The following TRIM17 variants were observed in gnomAD, a reference collection of about 807,000 sequenced individuals.
TRIM17 encodes the protein tripartite motif containing 17.
In TRIM17, 27 loss-of-function variants were observed where a neutral mutation model predicts 35.8. That is an observed-to-expected ratio of 0.75 (90% CI 0.56 to 1.04). The LOEUF is 1.04. TRIM17 is among the 50% of genes least tolerant of loss of function. TRIM17 has a pLI of 0.00. For synonymous variants in TRIM17, 246 were observed against 252.6 expected (o/e 0.97, Z 0.25); for missense variants, 582 against 612.8 (o/e 0.95, Z 0.53).
rs868790333 is a variant in TRIM17 at position 228,410,732 on chromosome 1, C to T, written c.756+214G>A. Among the ~76,000 whole-genome samples the T allele has an allele frequency of 1.4e-4, 21 of 152,136 alleles. No individual in the cohort carries two copies. Among genetic ancestry groups the T allele is most frequent in the African/African-American group, 2.2e-4 (9 of 41,414 alleles). The stretch of plus-strand genomic sequence containing the variant: ...GCATAGAGAGATGATGCCATGAGGA[C>T]GCGGGGAGGAGACGGCATCTTCAGG... On this transcript the variant is annotated intron_variant, in intron 4 of 6. Transcript: ENST00000366698. The surrounding 1 kb of genome is among the most constrained non-coding windows in gnomAD (Gnocchi z 4.6).
Position 228,408,186 on chromosome 1 carries a change from T to TC in TRIM17, c.*14dup. The TC allele has an allele frequency of 6.6e-7, 1 of 1,509,232 alleles. No individual in the cohort carries two copies. Among genetic ancestry groups the TC allele is most frequent in the Non-Finnish European group, 8.9e-7 (1 of 1,128,940 alleles). The allele number at this position is 1,509,232 out of a possible 1,614,324, so 93.5% of individuals were successfully genotyped here. A position where few individuals can be genotyped will look rare whatever the true frequency, so the allele number is the denominator to read the frequency against. ...TGCAGAGCCAGGAGCAGTGCCCGAGTCCCCCGGTCTGTGTCTATCCTTTCA... is the reference window on the plus strand; with the variant it reads ...TGCAGAGCCAGGAGCAGTGCCCGAGTCCCCCCGGTCTGTGTCTATCCTTTCA... On this transcript the variant is annotated 3_prime_UTR_variant, in exon 7 of 7. Coordinates refer to ENST00000366698, the MANE Select transcript of TRIM17 (RefSeq NM_016102.4). The surrounding 1 kb of genome is among the most constrained non-coding windows in gnomAD (Gnocchi z 6.3).
At chr1:228,412,074 C>T (rs1656812588) in intron 3 of TRIM17, among the ~76,000 whole-genome samples, 1 of 152,170 alleles carries the variant, frequency 6.6e-6, no homozygotes, top group Non-Finnish European at 1.5e-5. Context: ...AAGCTGAAGG[C>T]TGTGCCTCTG....
Position 228,408,784 on chromosome 1 carries a change from A to G in TRIM17, c.884-33T>C, listed in dbSNP as rs1428502620. The stretch of plus-strand genomic sequence containing the variant: ...TGGGCGTGGTGGTGGAGAGATGGGG[A>G]GAGGTGTGGGGCATTCAGGGTCAAA... On this transcript the variant is annotated intron_variant, in intron 6 of 6. Transcript: ENST00000366698. This position sits in a 1 kb window ranked among gnomAD's most constrained non-coding sequence, Gnocchi z 6.3. 1 of 1,583,238 alleles carries G rather than the reference A, an allele frequency of 6.3e-7. No homozygotes were observed. Among genetic ancestry groups the G allele is most frequent in the Non-Finnish European group, 8.5e-7 (1 of 1,170,662 alleles).
intron 3 of TRIM17, among the ~76,000 whole-genome samples, chr1:228,413,581 C>T (rs1200948219): frequency 2.0e-5 from 3 of 152,224 alleles, no homozygotes; most frequent in African/African-American, 7.2e-5. Context: ...ATGTGTGCAT[C>T]TGTAATTTAA....
intron 1 of TRIM17, chr1:228,415,669 G>C (rs760183954): frequency 1.3e-5 from 2 of 152,874 alleles, no homozygotes; most frequent in East Asian, 3.9e-4. Context: ...GTACACCAAA[G>C]GAAGAAGGGA....
chr1:228,408,303 G>A lies in TRIM17; in HGVS notation c.1332C>T (p.Ser444=). The part of the protein sequence containing the change: ...VSDGSHLHTY[S]QATFPGPLQP... ...GCAGGGGGCCTGGGAAGGTGGCCTG[G>A]GAGTAGGTGTGCAGGTGGGACCCAT... Residue 444 remains serine (S), a synonymous_variant, in exon 7 of 7, where the codon TCC becomes TCT. Coordinates refer to ENST00000366698, the MANE Select transcript of TRIM17 (RefSeq NM_016102.4). This position sits in a 1 kb window ranked among gnomAD's most constrained non-coding sequence, Gnocchi z 6.3. 1 of 1,608,444 alleles carries A rather than the reference G, an allele frequency of 6.2e-7. No individual in the cohort carries two copies. The highest frequency in any genetic ancestry group is 2.2e-5 in the East Asian group (1 of 44,786).
chr1:228,416,647 G>A lies in TRIM17; in HGVS notation c.-150C>T. On this transcript the variant is annotated 5_prime_UTR_variant, in exon 1 of 7. Coordinates refer to ENST00000366698, the MANE Select transcript of TRIM17 (RefSeq NM_016102.4). ...GCCCAGGAGGCTGCGGCCCGGCCCG[G>A]GGCGTGGGGACCTGGGGTCGGGAGG... 2.0e-6 allele frequency: 2 copies of A among 985,518 alleles called. No individual in the cohort carries two copies. The highest frequency in any genetic ancestry group is 2.4e-6 in the Non-Finnish European group (2 of 830,088). 61.0% of individuals were successfully genotyped at this position (985,518 alleles called of 1,614,324 possible). A position where few individuals can be genotyped will look rare whatever the true frequency, so the allele number is the denominator to read the frequency against.
rs767069495 is a variant in TRIM17 at position 228,413,839 on chromosome 1, C to G, written c.483G>C (p.Gly161=). Residue 161 remains glycine, a synonymous_variant, in exon 3 of 7, where the codon GGG becomes GGC. Coordinates refer to ENST00000366698, the MANE Select transcript of TRIM17 (RefSeq NM_016102.4). Reference sequence around the variant, plus strand: ...TCTGCTCCTCCCTGGCCTGCAGATTCCCTGTCCTGGTGATCTGCTCCCGAA... The same window carrying G: ...TCTGCTCCTCCCTGGCCTGCAGATTGCCTGTCCTGGTGATCTGCTCCCGAA... ...EYLREQITRT[G]NLQAREEQSL... 6.2e-7 allele frequency: 1 copy of G among 1,614,082 alleles called. No individual in the cohort carries two copies. Among genetic ancestry groups the G allele is most frequent in the African/African-American group, 1.3e-5 (1 of 74,932 alleles).
rs1656527937 is a variant in TRIM17, at chr1:228,407,987, C to T, written c.*214G>A. 2.4e-5 allele frequency: 10 copies of T among 417,442 alleles called. No homozygotes were observed. The highest frequency in any genetic ancestry group is 4.2e-5 in the Non-Finnish European group (10 of 240,866). 25.9% of individuals were successfully genotyped at this position (417,442 alleles called of 1,614,324 possible). On this transcript the variant is annotated 3_prime_UTR_variant, in exon 7 of 7. Coordinates refer to ENST00000366698, the MANE Select transcript of TRIM17 (RefSeq NM_016102.4). ...AATCGGTCCACTCAGAACGCAGGGG[C>T]TTTCAAAAGTTTCCTCTAGGAAGCA...
In TRIM17 at chr1:228,408,638, G is replaced by A. The variant is rs576870494; in HGVS notation, c.997C>T (p.Arg333Ter). Residue 333 changes from arginine (R) to a stop codon, truncating the protein, a stop_gained, in exon 7 of 7, where the codon CGA (arginine) becomes TGA (stop). Transcript: ENST00000366698. LOFTEE classifies it low-confidence loss of function (END_TRUNC). The surrounding 1 kb of genome is among the most constrained non-coding windows in gnomAD (Gnocchi z 6.3). Reference protein sequence around the residue: ...PEGSGFCSKDRFVAYPCAVGQ... With the variant: ...PEGSGFCSKD ...ACAGCACAGGGGTAAGCCACAAATC[G>A]GTCCTTGCTGCAGAACCCACTGCCC... 7.3e-5 allele frequency: 117 copies of A among 1,613,388 alleles called. No homozygotes were observed. In the South Asian group the frequency reaches 1.1e-3, roughly 16 times the overall value.
In TRIM17 at chr1:228,409,230, G is replaced by A; in HGVS notation, c.825C>T (p.Thr275=). 1 of 1,613,994 alleles carries A rather than the reference G, an allele frequency of 6.2e-7. No individual in the cohort carries two copies. Among genetic ancestry groups the A allele is most frequent in the Non-Finnish European group, 8.5e-7 (1 of 1,179,968 alleles). The part of the protein sequence containing the change: ...SVQCPEVAPP[T]RPRTVCRVPG... ...GAACTCTGCACACAGTCCTGGGTCT[G>A]GTTGGGGGGGCAACCTCTGGGCACT... The change falls in exon 6 of 7, where the codon ACC becomes ACT. Residue 275 remains threonine, a synonymous_variant. Coordinates refer to ENST00000366698, the MANE Select transcript of TRIM17 (RefSeq NM_016102.4).
intron 3 of TRIM17, among the ~76,000 whole-genome samples, chr1:228,412,401 G>A (rs982181739): frequency 6.6e-6 from 1 of 152,080 alleles, no homozygotes; most frequent in African/African-American, 2.4e-5. Flanking sequence ...CTCCCAAGCT[G>A]TATCACTTGG....
At position 228,408,493 on chromosome 1, in the gene TRIM17, G is replaced by GGGTCC. The variant is rs1656570496; in HGVS notation, c.1141_1142insGGACC (p.Pro381ArgfsTer28). 3.7e-6 allele frequency: 6 copies of GGGTCC among 1,614,072 alleles called. No homozygotes were observed. The East Asian group carries it at 1.3e-4, about 36-fold the overall frequency. On this transcript the variant is annotated frameshift_variant, in exon 7 of 7. Transcript: ENST00000366698. LOFTEE classifies it low-confidence loss of function (END_TRUNC). The surrounding 1 kb of genome is among the most constrained non-coding windows in gnomAD (Gnocchi z 6.3). ...CCAGAAGCCGTTTTCGGGGCACTTG[G>GGGTCC]GGACCCTGTCTTTCCGGCTCACGTT...
In TRIM17 at chr1:228,411,290, A is replaced by C. The variant is rs1656772354; in HGVS notation, c.526-114T>G. 1.2e-6 allele frequency: 1 copy of C among 828,724 alleles called. No homozygotes were observed. Among genetic ancestry groups the C allele is most frequent in the African/African-American group, 1.7e-5 (1 of 58,888 alleles). 51.3% of individuals were successfully genotyped at this position (828,724 alleles called of 1,614,324 possible). On this transcript the variant is annotated intron_variant, in intron 3 of 6. Transcript: ENST00000366698. The surrounding 1 kb of genome is among the most constrained non-coding windows in gnomAD (Gnocchi z 4.2). ...CAAGATCACCAGCAACTGGAGCTTTAGTTGGGGACCAGGAACTGTGACAGA... is the reference window on the plus strand; with the variant it reads ...CAAGATCACCAGCAACTGGAGCTTTCGTTGGGGACCAGGAACTGTGACAGA...
At position 228,414,794 on chromosome 1, in the gene TRIM17, C is replaced by A; in HGVS notation, c.279G>T (p.Leu93=). ...VAEMAQQHPG[L]QKQDLCQEHH... ...GCTCCTGGCACAGGTCTTGCTTCTGCAGACCAGGATGCTGCTGCGCCATCT... is the reference window on the plus strand; with the variant it reads ...GCTCCTGGCACAGGTCTTGCTTCTGAAGACCAGGATGCTGCTGCGCCATCT... Residue 93 remains leucine (L), a synonymous_variant, in exon 2 of 7, where the codon CTG becomes CTT. Coordinates refer to ENST00000366698, the MANE Select transcript of TRIM17 (RefSeq NM_016102.4). 6.2e-7 allele frequency: 1 copy of A among 1,613,292 alleles called. No individual in the cohort carries two copies. The highest frequency in any genetic ancestry group is 8.5e-7 in the Non-Finnish European group (1 of 1,180,034).
At chr1:228,414,591 C>T (rs1656975633) in intron 2 of TRIM17, 53 bp downstream of exon 2, 3 of 1,496,144 alleles carry the variant, frequency 2.0e-6, no homozygotes, top group Admixed American at 1.7e-5. Context: ...GTCACCTTGT[C>T]CCCCTGGATG....
chr1:228,416,492 A>T (rs1357973916), intron 1 of TRIM17, 47 bp downstream of exon 1: 1 of 985,520 alleles, frequency 1.0e-6, no homozygotes, highest in Non-Finnish European at 1.2e-6. Context: ...GTCGTGGCCC[A>T]GGCGCCACAG....
chr1:228,413,211 CAAAAAAAA>C (rs59069528), intron 3 of TRIM17, among the ~76,000 whole-genome samples: 1 of 103,978 alleles, frequency 9.6e-6, no homozygotes, highest in Admixed American at 9.8e-5. Flanking sequence ...AACTCCATCT[CAAAAAAAA>C]AAAAAAAAAA....
rs1032502885 is a variant in TRIM17 at position 228,411,048 on chromosome 1, G to A, written c.654C>T (p.Leu218=). ...ETEEEETASR[L]RESVACLDRQ... ...GGTCCAGGCAGGCCACGCTCTCCCG[G>A]AGCCTGCTGGCAGTCTCCTCTTCTT... The change falls in exon 4 of 7, where the codon CTC becomes CTT. Residue 218 remains leucine (L), a synonymous_variant. Coordinates refer to ENST00000366698, the MANE Select transcript of TRIM17 (RefSeq NM_016102.4). This position sits in a 1 kb window ranked among gnomAD's most constrained non-coding sequence, Gnocchi z 4.2. The A allele has an allele frequency of 4.3e-6, 7 of 1,613,702 alleles. No homozygotes were observed. Among genetic ancestry groups the A allele is most frequent in the Non-Finnish European group, 5.9e-6 (7 of 1,179,964 alleles).
Sources: allele counts gnomAD v4.1 joint callset (sites outside exome capture counted in the v4.1 genomes callset), GRCh38; gene constraint gnomAD v4.1.1; non-coding constraint Gnocchi (gnomAD v3.1); transcripts MANE v1.5; gene names NCBI Gene and HGNC (gene_info 2026-07-23, HGNC 2026-07-21).